Variants in PRR16 observed in about 807,000 individuals in gnomAD.
The protein encoded by PRR16 is proline rich 16.
Under a neutral mutation model 18.2 loss-of-function variants are expected in PRR16, and 6 were observed. The ratio of observed to expected loss-of-function variants is 0.33; its 90% CI spans 0.18 to 0.65. PRR16 has a LOEUF of 0.65. PRR16 is among the 30% of genes least tolerant of loss of function. The pLI is 0.74. For synonymous variants in PRR16, 151 were observed against 147.8 expected, an observed-to-expected ratio of 1.02 and a Z score of -0.16; for missense variants, 412 against 376.6, an observed-to-expected ratio of 1.09 and a Z score of -0.78.
At chr5:120,794,042 T>C in the PRR16 span, among the ~76,000 whole-genome samples, 21 of 152,264 alleles carry the variant, frequency 1.4e-4, no homozygotes, top group East Asian at 2.9e-3. Context: ...ATGTATCCAG[T>C]ACAACAAATG....
the PRR16 span, among the ~76,000 whole-genome samples, chr5:120,782,431 TA>T: frequency 2.6e-4 from 39 of 152,284 alleles, no homozygotes; most frequent in Non-Finnish European, 4.6e-4. Flanking sequence ...AATTGTGTTT[TA>T]AAAGTGAAGC....
intron 1 of PRR16, among the ~76,000 whole-genome samples, chr5:120,571,238 A>G (rs1047339450): frequency 6.6e-6 from 1 of 152,156 alleles, no homozygotes; most frequent in Non-Finnish European, 1.5e-5. Context: ...AGGCATGTGC[A>G]TTGCTTTAGT....
intron 1 of PRR16, among the ~76,000 whole-genome samples, chr5:120,532,444 A>C (rs17425812): frequency 0.016 from 2,383 of 152,052 alleles, 22 homozygotes; most frequent in Middle Eastern, 0.13. Flanking sequence ...GTTAAATAAG[A>C]AAAAAACAAC....
At chr5:120,768,107 CT>C in the PRR16 span, among the ~76,000 whole-genome samples, 1 of 151,808 alleles carries the variant, frequency 6.6e-6, no homozygotes, top group Non-Finnish European at 1.5e-5. Context: ...CAGTAATTAT[CT>C]TTAGCAATTT....
chr5:120,488,473 T>A (rs1749898211), intron 1 of PRR16, among the ~76,000 whole-genome samples: 1 of 152,226 alleles, frequency 6.6e-6, no homozygotes, highest in African/African-American at 2.4e-5. Context: ...TAGTTTGTAT[T>A]TCTGTGCGAT....
At chr5:120,664,253 C>T (rs1281276200) in intron 1 of PRR16, among the ~76,000 whole-genome samples, 1 of 151,818 alleles carries the variant, frequency 6.6e-6, no homozygotes, top group Non-Finnish European at 1.5e-5. Flanking sequence ...GAGCTGAGAT[C>T]GCACCATTGC....
chr5:120,780,323 T>C, the PRR16 span, among the ~76,000 whole-genome samples: 1 of 152,304 alleles, frequency 6.6e-6, no homozygotes, highest in East Asian at 1.9e-4. Context: ...TTAATTAATA[T>C]TGCTTAATTC....
chr5:120,628,515 T>A lies in PRR16; in HGVS notation c.160-57439T>A, dbSNP rs538073539. ...AGCATATCAATGTATTGGAACTTTT[T>A]CTCCCATACGGTGATAAAGTGAAAA... On this transcript the variant is annotated intron_variant, in intron 1 of 1. Coordinates refer to ENST00000407149, the MANE Select transcript of PRR16 (RefSeq NM_001300783.2). 2.0e-5 allele frequency among the ~76,000 whole-genome samples: 3 copies of A among 152,126 alleles called. No individual in the cohort carries two copies. In the East Asian group the frequency reaches 5.8e-4, roughly 29 times the overall value.
At chr5:120,511,915 TA>T (rs1750838725) in intron 1 of PRR16, among the ~76,000 whole-genome samples, 1 of 152,212 alleles carries the variant, frequency 6.6e-6, no homozygotes, top group African/African-American at 2.4e-5. Context: ...AGGGGTCTTC[TA>T]GGAAAATGAA....
chr5:120,479,252 A>G (rs1397581257), intron 1 of PRR16, among the ~76,000 whole-genome samples: 1 of 152,036 alleles, frequency 6.6e-6, no homozygotes, highest in Non-Finnish European at 1.5e-5. Context: ...GCTTGTGGGG[A>G]TTGAGTCATG....
chr5:120,717,225 T>C, the PRR16 span, among the ~76,000 whole-genome samples: 1,095 of 152,348 alleles, frequency 7.2e-3, 17 homozygotes, highest in African/African-American at 0.025. Context: ...GTTTAACTAT[T>C]TACTAGCTCC....
chr5:120,731,831 C>T, the PRR16 span, among the ~76,000 whole-genome samples: 1 of 152,100 alleles, frequency 6.6e-6, no homozygotes, highest in African/African-American at 2.4e-5. Flanking sequence ...TTAATATGAA[C>T]AGGTTCATAA....
intron 1 of PRR16, among the ~76,000 whole-genome samples, chr5:120,614,067 G>T (rs1754423986): frequency 6.6e-6 from 1 of 152,158 alleles, no homozygotes; most frequent in African/African-American, 2.4e-5. Context: ...TAGTTTATGG[G>T]TGTTTGTTTG....
chr5:120,751,114 A>C, the PRR16 span, among the ~76,000 whole-genome samples: 15,757 of 152,122 alleles, frequency 0.1, 1,036 homozygotes, highest in African/African-American at 0.18. Flanking sequence ...AAATGATGAG[A>C]GTTCATTAAT....
At chr5:120,725,958 A>G in the PRR16 span, among the ~76,000 whole-genome samples, 2 of 152,218 alleles carry the variant, frequency 1.3e-5, no homozygotes, top group East Asian at 3.9e-4. Flanking sequence ...CTGAGACTCC[A>G]GAGCTGTGGG....
At chr5:120,723,053 T>G in the PRR16 span, among the ~76,000 whole-genome samples, 1 of 151,854 alleles carries the variant, frequency 6.6e-6, no homozygotes, top group Non-Finnish European at 1.5e-5. Flanking sequence ...AGTAAAAAAT[T>G]GGATACAATT....
At chr5:120,559,199 G>A (rs1752503163) in intron 1 of PRR16, among the ~76,000 whole-genome samples, 1 of 151,760 alleles carries the variant, frequency 6.6e-6, no homozygotes, top group Non-Finnish European at 1.5e-5. Flanking sequence ...ATGCTTGTGG[G>A]ATATTACTCA....
chr5:120,745,083 A>G, the PRR16 span, among the ~76,000 whole-genome samples: 4 of 152,170 alleles, frequency 2.6e-5, no homozygotes, highest in African/African-American at 9.7e-5. Flanking sequence ...GGCTTCTCCC[A>G]AAAGTCTTTC....
At chr5:120,590,384 T>C (rs1189956378) in intron 1 of PRR16, among the ~76,000 whole-genome samples, 1 of 152,152 alleles carries the variant, frequency 6.6e-6, no homozygotes, top group Admixed American at 6.6e-5. Context: ...TTGGGGGAAG[T>C]TTGCTGCATT....
Sources: gnomAD v4.1 joint callset for allele counts (sites outside exome capture counted in the v4.1 genomes callset) on GRCh38, gnomAD v4.1.1 for gene constraint, MANE v1.5 for transcripts, NCBI Gene and HGNC (gene_info 2026-07-23, HGNC 2026-07-21) for gene names.